The following SEM1 variants were observed in gnomAD, a reference collection of about 807,000 sequenced individuals.
The protein encoded by SEM1 is SEM1 26S proteasome subunit, also known as 26S proteasome complex subunit SEM1.
Under a neutral mutation model 12.7 loss-of-function variants are expected in SEM1, and 3 were observed. The ratio of observed to expected loss-of-function variants is 0.24; its 90% CI spans 0.11 to 0.61. The LOEUF is 0.61. Ranked by LOEUF, SEM1 falls within the 20% of genes least tolerant of loss-of-function variation. The probability of loss-of-function intolerance (pLI) is 0.88; values close to 1 mark genes in which losing one functional copy is unlikely to be tolerated. For synonymous variants in SEM1, 30 were observed against 27.8 expected, an observed-to-expected ratio of 1.08 and a Z score of -0.25; for missense variants, 59 against 81.3, an observed-to-expected ratio of 0.73 and a Z score of 1.06.
intron 2 of SEM1, among the ~76,000 whole-genome samples, chr7:96,563,563 T>C (rs557501938): frequency 5.0e-4 from 76 of 152,250 alleles, no homozygotes; most frequent in Non-Finnish European, 9.4e-4. Flanking sequence ...TCAGGGTCGA[T>C]GTTTGTTAAA....
intron 1 of SEM1, among the ~76,000 whole-genome samples, chr7:96,705,544 T>C (rs944806808): frequency 6.6e-6 from 1 of 152,142 alleles, no homozygotes; most frequent in Non-Finnish European, 1.5e-5. Context: ...TTAAATAAAT[T>C]AGGCTGGGCG....
rs561782574 is a variant in SEM1 at position 96,584,374 on chromosome 7, G to A, written c.171-77676C>T. Among the ~76,000 whole-genome samples the A allele has an allele frequency of 1.4e-3, 212 of 152,172 alleles. 2 individuals are homozygous for A. In the South Asian group the frequency reaches 0.02, roughly 14 times the overall value. On this transcript the variant is annotated intron_variant and NMD_transcript_variant, in intron 2 of 3. Coordinates refer to the SEM1 transcript ENST00000466986. The stretch of plus-strand genomic sequence containing the variant: ...ATGGGCTTCCCTTTGAGGGTAACCC[G>A]ACCTTTCTCTCTGGCTGCCCTTAAC...
At chr7:96,647,038 T>A (rs1203945004) in intron 2 of SEM1, among the ~76,000 whole-genome samples, 1 of 152,188 alleles carries the variant, frequency 6.6e-6, no homozygotes, top group Non-Finnish European at 1.5e-5. Flanking sequence ...GCATATGTGT[T>A]TTATGGTGCA....
chr7:96,542,498 CAG>C (rs2115790746), intron 2 of SEM1, among the ~76,000 whole-genome samples: 1 of 151,818 alleles, frequency 6.6e-6, no homozygotes, highest in Non-Finnish European at 1.5e-5. Flanking sequence ...CAAGTTTTGG[CAG>C]AGTCTTTAGG....
Position 96,692,157 on chromosome 7 carries a change from C to T in SEM1, c.170+2641G>A, listed in dbSNP as rs1422395326. 2.0e-5 allele frequency among the ~76,000 whole-genome samples: 3 copies of T among 152,020 alleles called. No individual in the cohort carries two copies. In the East Asian group the frequency reaches 5.8e-4, roughly 29 times the overall value. On this transcript the variant is annotated intron_variant, in intron 2 of 2. Transcript: ENST00000248566. ...AATATATAATGTTCTATTTCTAAAG[C>T]AATAAAAAGGCAACATGTAATGATG...
chr7:96,673,073 A>G (rs1248397208), downstream of SEM1: 1 of 152,276 alleles, frequency 6.6e-6, no homozygotes, highest in East Asian at 1.9e-4. Flanking sequence ...TAAAATAATA[A>G]AACATGGAAG....
intron 2 of SEM1, among the ~76,000 whole-genome samples, chr7:96,593,568 G>A (rs1806899970): frequency 6.6e-6 from 1 of 152,122 alleles, no homozygotes; most frequent in Non-Finnish European, 1.5e-5. Flanking sequence ...AGTAAATGCT[G>A]GAGAGTAATT....
chr7:96,678,558 C>T (rs1328195113), intron 2 of SEM1, among the ~76,000 whole-genome samples: 5 of 152,106 alleles, frequency 3.3e-5, no homozygotes, highest in Non-Finnish European at 7.4e-5. Context: ...CAAATGAAAT[C>T]GTATGCTGAA....
chr7:96,596,348 C>A (rs1462719289), intron 2 of SEM1, among the ~76,000 whole-genome samples: 3 of 152,044 alleles, frequency 2.0e-5, no homozygotes, highest in African/African-American at 7.2e-5. Context: ...ATTTGTTAGC[C>A]CTGGAAGAGC....
chr7:96,547,461 G>A (rs921463457), intron 2 of SEM1, among the ~76,000 whole-genome samples: 1 of 152,208 alleles, frequency 6.6e-6, no homozygotes, highest in Admixed American at 6.5e-5. Flanking sequence ...TTTGAAAAGT[G>A]GCATATGTTT....
intron 2 of SEM1, among the ~76,000 whole-genome samples, chr7:96,657,549 C>A (rs1809219770): frequency 2.6e-5 from 4 of 152,144 alleles, no homozygotes; most frequent in African/African-American, 9.7e-5. Flanking sequence ...CCCAGCTTCA[C>A]CTCTCACTGG....
chr7:96,642,972 C>T (rs561207931), intron 2 of SEM1, among the ~76,000 whole-genome samples: 2 of 151,942 alleles, frequency 1.3e-5, no homozygotes, highest in African/African-American at 2.4e-5. Context: ...ATTTTAAGTT[C>T]AGAGGTACAA....
intron 2 of SEM1, among the ~76,000 whole-genome samples, chr7:96,546,522 A>G (rs144009480): frequency 2.6e-5 from 4 of 152,240 alleles, no homozygotes; most frequent in African/African-American, 7.2e-5. Context: ...GACAAAAACC[A>G]GCAGAGTTCT....
intron 2 of SEM1, among the ~76,000 whole-genome samples, chr7:96,485,450 G>A (rs948044204): frequency 6.6e-5 from 10 of 150,854 alleles, no homozygotes; most frequent in Non-Finnish European, 1.3e-4. Flanking sequence ...TACTCACTCT[G>A]AGCCTCCTGC....
At chr7:96,548,741 C>T (rs531602525) in intron 2 of SEM1, among the ~76,000 whole-genome samples, 33 of 152,002 alleles carry the variant, frequency 2.2e-4, no homozygotes, top group Non-Finnish European at 3.8e-4. Flanking sequence ...CCCGTTTTGC[C>T]CATTAAAGTA....
chr7:96,632,729 G>T (rs185953171), intron 2 of SEM1, among the ~76,000 whole-genome samples: 77 of 150,754 alleles, frequency 5.1e-4, no homozygotes, highest in Admixed American at 2.4e-3. Context: ...CAGGTACTGT[G>T]AATGCTCACC....
At chr7:96,693,525 T>C (rs1027150985) in intron 2 of SEM1, among the ~76,000 whole-genome samples, 5 of 151,968 alleles carry the variant, frequency 3.3e-5, no homozygotes, top group Admixed American at 6.6e-5. Context: ...CAATGAATTC[T>C]TAAATATGAC....
rs1005980875 is a variant in SEM1, at chr7:96,566,627, G to A, written c.171-59929C>T. On this transcript the variant is annotated intron_variant and NMD_transcript_variant, in intron 2 of 3. Transcript: ENST00000466986. ...TGAATTTATAGTATTCTATTGCTAT[G>A]CAGACAATGTTTAATTTTTATGTAG... Among the ~76,000 whole-genome samples, 31 of 151,544 alleles carry A rather than the reference G, an allele frequency of 2.0e-4. 1 individual carries two copies. Among genetic ancestry groups the A allele is most frequent in the Admixed American group, 1.9e-3 (29 of 15,172 alleles).
At chr7:96,632,130 G>A (rs1030871561) in intron 2 of SEM1, among the ~76,000 whole-genome samples, 5 of 152,316 alleles carry the variant, frequency 3.3e-5, no homozygotes, top group Non-Finnish European at 7.3e-5. Context: ...TTCAACCATT[G>A]TGGAAGACAG....
Sources: allele counts gnomAD v4.1 joint callset (sites outside exome capture counted in the v4.1 genomes callset), GRCh38; gene constraint gnomAD v4.1.1; transcripts MANE v1.5; gene names NCBI Gene and HGNC (gene_info 2026-07-23, HGNC 2026-07-21).